Variants in AHCYL2 observed in about 807,000 individuals in gnomAD.
AHCYL2 encodes S-adenosylhomocysteine hydrolase-like protein 2.
AHCYL2 carries 28 observed loss-of-function variants against 81.4 expected under a neutral mutation model. The ratio of observed to expected loss-of-function variants is 0.34; its 90% confidence interval spans 0.25 to 0.47. The LOEUF (loss-of-function observed/expected upper bound fraction) is 0.47. AHCYL2 is among the 20% of genes least tolerant of loss of function. The pLI is 1.00. For missense variants in AHCYL2, 551 were observed against 785.1 expected, an observed-to-expected ratio of 0.70 and a Z score of 3.56; for synonymous variants, 272 against 290.2, an observed-to-expected ratio of 0.94 and a Z score of 0.64.
chr7:129,293,670 G>A (rs1796952262), intron 1 of AHCYL2, among the ~76,000 whole-genome samples: 1 of 151,856 alleles, frequency 6.6e-6, no homozygotes, highest in Non-Finnish European at 1.5e-5. Context: ...CTTATTTGAG[G>A]AAACCCAATA....
intron 1 of AHCYL2, among the ~76,000 whole-genome samples, chr7:129,348,674 T>C (rs1446096117): frequency 6.6e-6 from 1 of 152,194 alleles, no homozygotes; most frequent in East Asian, 1.9e-4. Flanking sequence ...GTTAAGTATA[T>C]AATACTTACT....
chr7:129,377,567 T>G (rs1794746259), intron 1 of AHCYL2: 1 of 456,634 alleles, frequency 2.2e-6, no homozygotes, highest in Non-Finnish European at 4.4e-6. Flanking sequence ...GTTCCTGCTT[T>G]CATTCTGGTG....
At chr7:129,397,942 T>TTC (rs2150922252) in intron 5 of AHCYL2, among the ~76,000 whole-genome samples, 1 of 152,384 alleles carries the variant, frequency 6.6e-6, no homozygotes, top group Non-Finnish European at 1.5e-5. Flanking sequence ...AGAAAAATAT[T>TTC]TAATACTTTA....
At chr7:129,417,668 A>G (rs1796922430) in intron 12 of AHCYL2, among the ~76,000 whole-genome samples, 1 of 152,208 alleles carries the variant, frequency 6.6e-6, no homozygotes, top group African/African-American at 2.4e-5. Context: ...GAAAAGTTAA[A>G]TTATTCAACC....
At chr7:129,408,365 C>G (rs1024931736) in intron 10 of AHCYL2, among the ~76,000 whole-genome samples, 2 of 151,998 alleles carry the variant, frequency 1.3e-5, no homozygotes, top group African/African-American at 4.8e-5. Context: ...ATGAAAGAGA[C>G]GTTTATGGAA....
intron 1 of AHCYL2, among the ~76,000 whole-genome samples, chr7:129,366,776 CA>C (rs59464433): frequency 2.4e-4 from 33 of 138,288 alleles, no homozygotes; most frequent in Non-Finnish European, 2.2e-4. Context: ...AACTCTGTCT[CA>C]AAAAAAAAAA....
At chr7:129,283,802 C>T (rs1219030056) in intron 1 of AHCYL2, among the ~76,000 whole-genome samples, 3 of 152,100 alleles carry the variant, frequency 2.0e-5, no homozygotes, top group Non-Finnish European at 4.4e-5. Context: ...TTCCAAATAG[C>T]ATCAGGTGGT....
chr7:129,378,420 C>T (rs900535465), intron 1 of AHCYL2, among the ~76,000 whole-genome samples: 4 of 152,042 alleles, frequency 2.6e-5, no homozygotes, highest in Admixed American at 6.6e-5. Flanking sequence ...AGCATTGAAC[C>T]GTAGGGGTTG....
chr7:129,342,047 G>T (rs1793204460), intron 1 of AHCYL2, among the ~76,000 whole-genome samples: 1 of 152,152 alleles, frequency 6.6e-6, no homozygotes, highest in Non-Finnish European at 1.5e-5. Flanking sequence ...ATGTACTTTG[G>T]CATTAAGAGA....
chr7:129,319,020 T>C (rs1329083262), intron 1 of AHCYL2, among the ~76,000 whole-genome samples: 1 of 151,966 alleles, frequency 6.6e-6, no homozygotes, highest in Non-Finnish European at 1.5e-5. Flanking sequence ...TATTTGCAAC[T>C]CACAAAGGGC....
In AHCYL2 at chr7:129,238,912, A is replaced by G. The variant is rs190754529; in HGVS notation, c.363+13473A>G. ...GGTGGCAGTGAGCTGAGATGGCACC[A>G]CTGCACTCCAGCCTGAGCAACAGAG... On this transcript the variant is annotated intron_variant, in intron 1 of 16. Transcript: ENST00000325006. Among the ~76,000 whole-genome samples the G allele has an allele frequency of 8.8e-4, 134 of 152,268 alleles. 2 individuals are homozygous for G. Among genetic ancestry groups the G allele is most frequent in the African/African-American group, 2.9e-3 (120 of 41,560 alleles).
intron 1 of AHCYL2, among the ~76,000 whole-genome samples, chr7:129,339,951 C>T (rs1463515749): frequency 7.5e-6 from 1 of 132,596 alleles, no homozygotes; most frequent in Non-Finnish European, 1.5e-5. Context: ...CGGAGTCTCG[C>T]TCCGTCGCCC....
At chr7:129,396,086 G>A (rs185688163) in intron 4 of AHCYL2, among the ~76,000 whole-genome samples, 67 of 152,150 alleles carry the variant, frequency 4.4e-4, no homozygotes, top group Admixed American at 3.7e-3. Context: ...TGGGGTTTGT[G>A]TGTGTTTGTG....
At chr7:129,371,127 T>G (rs112789208) in intron 1 of AHCYL2, among the ~76,000 whole-genome samples, 1 of 152,188 alleles carries the variant, frequency 6.6e-6, no homozygotes, top group Admixed American at 6.5e-5. Context: ...CCAGCTCCCA[T>G]GTTGGGCCAA....
chr7:129,279,903 C>T (rs911040032), intron 1 of AHCYL2, among the ~76,000 whole-genome samples: 1 of 152,116 alleles, frequency 6.6e-6, no homozygotes, highest in Non-Finnish European at 1.5e-5. Flanking sequence ...ACCAGAGGCA[C>T]CTCTTGGTTT....
chr7:129,426,525 A>G lies in AHCYL2; in HGVS notation c.1791A>G (p.Gly597=), dbSNP rs772512201. Residue 597 remains glycine, a synonymous_variant, in exon 16 of 17, where the codon GGA becomes GGG. Transcript: ENST00000325006. This position sits in a 1 kb window ranked among gnomAD's most constrained non-coding sequence, Gnocchi z 4.3. ...CAGATGAACAGGCCAAGTATCTGGGACTCAACAAGAATGGGCCCTTCAAGC... is the reference window on the plus strand; with the variant it reads ...CAGATGAACAGGCCAAGTATCTGGGGCTCAACAAGAATGGGCCCTTCAAGC... ...ELTDEQAKYL[G]LNKNGPFKPN... 8 of 1,613,940 alleles carry G rather than the reference A, an allele frequency of 5.0e-6. No homozygotes were observed. The South Asian group carries it at 8.8e-5, about 18-fold the overall frequency.
At chr7:129,226,548 G>T (rs3734969) in intron 1 of AHCYL2, among the ~76,000 whole-genome samples, 44,445 of 152,090 alleles carry the variant, frequency 0.29, 6,481 homozygotes, top group Middle Eastern at 0.42. Flanking sequence ...ACAAAGAGAC[G>T]GGAAGTGTGC....
intron 1 of AHCYL2, among the ~76,000 whole-genome samples, chr7:129,277,106 AGAG>A (rs1473823547): frequency 6.6e-6 from 1 of 152,202 alleles, no homozygotes; most frequent in African/African-American, 2.4e-5. Context: ...CTAATTGAAA[AGAG>A]GCACAGATGC....
chr7:129,396,290 T>A (rs1795737507), intron 4 of AHCYL2, among the ~76,000 whole-genome samples: 1 of 150,578 alleles, frequency 6.6e-6, no homozygotes, highest in Non-Finnish European at 1.5e-5. Context: ...ACCCGGCTAA[T>A]TTTTTTTTGT....
Sources: allele counts gnomAD v4.1 joint callset (sites outside exome capture counted in the v4.1 genomes callset), GRCh38; gene constraint gnomAD v4.1.1; non-coding constraint Gnocchi (gnomAD v3.1); transcripts MANE v1.5; gene names NCBI Gene and HGNC (gene_info 2026-07-23, HGNC 2026-07-21).